Variants in PCDH1 observed in about 807,000 individuals in gnomAD.
PCDH1 encodes protocadherin 1, also known as protocadherin-1.
In PCDH1, 23 loss-of-function variants were observed where a neutral mutation model predicts 74.6. That is an observed-to-expected ratio of 0.31 (90% CI 0.22 to 0.44). PCDH1 has a LOEUF of 0.44. PCDH1 is among the 20% of genes least tolerant of loss of function. PCDH1 has a pLI of 1.00. For synonymous variants in PCDH1, 647 were observed against 686.1 expected, an observed-to-expected ratio of 0.94 and a Z score of 0.89; for missense variants, 1,214 against 1,641.4, an observed-to-expected ratio of 0.74 and a Z score of 4.50.
intron 4 of PCDH1, among the ~76,000 whole-genome samples, chr5:141,856,731 T>C (rs1752354722): frequency 6.6e-6 from 1 of 152,064 alleles, no homozygotes; most frequent in Non-Finnish European, 1.5e-5. Flanking sequence ...GTGCCAAACC[T>C]TCTCCCACTC....
At position 141,868,713 on chromosome 5, in the gene PCDH1, C is replaced by T. The variant is rs1431100163; in HGVS notation, c.759G>A (p.Gln253=). 2 of 1,614,160 alleles carry T rather than the reference C, an allele frequency of 1.2e-6. No homozygotes were observed. The highest frequency in any genetic ancestry group is 1.7e-5 in the Admixed American group (1 of 60,024). The change falls in exon 2 of 5, where the codon CAG becomes CAA. Residue 253 remains glutamine (Q), a synonymous_variant. Transcript: ENST00000287008. This position sits in a 1 kb window ranked among gnomAD's most constrained non-coding sequence, Gnocchi z 4.8. ...WDSYDLTIKV[Q]DGGSPPRASS... ...TGGCGCGTGGGGGGCTGCCGCCATC[C>T]TGCACCTTGATGGTGAGGTCATAGG...
At position 141,864,644 on chromosome 5, in the gene PCDH1, C is replaced by T; in HGVS notation, c.1687G>A (p.Glu563Lys). 2 of 1,613,756 alleles carry T rather than the reference C, an allele frequency of 1.2e-6. No individual in the cohort carries two copies. The highest frequency in any genetic ancestry group is 1.7e-6 in the Non-Finnish European group (2 of 1,180,036). Residue 563 changes from glutamate to lysine, a missense_variant, in exon 3 of 5, where the codon GAG becomes AAG. By Grantham distance (56) the Glu-to-Lys change is moderately conservative. Around this residue, in one of 4 missense-constraint regions of PCDH1, gnomAD observed 836 missense variants for 1,182.2 expected, o/e 0.71. Transcript: ENST00000287008. The surrounding 1 kb of genome is among the most constrained non-coding windows in gnomAD (Gnocchi z 5.9). Reference protein sequence around the residue: ...GLFTISPETGEIQVKTSLDRE... With the variant: ...GLFTISPETGKIQVKTSLDRE... ...TCCAGAGATGTCTTCACCTGGATCT[C>T]TCCAGTCTCGGGTGAGATGGTGAAG... is the stretch of plus-strand genomic sequence containing the variant.
Position 141,867,970 on chromosome 5 carries a change from C to CT in PCDH1, c.903+598dup, listed in dbSNP as rs536504921. Among the ~76,000 whole-genome samples, 200 of 152,354 alleles carry CT rather than the reference C, an allele frequency of 1.3e-3. 2 individuals are homozygous for CT. Among genetic ancestry groups the CT allele is most frequent in the African/African-American group, 4.5e-3 (189 of 41,582 alleles). On this transcript the variant is annotated intron_variant, in intron 2 of 4. Coordinates refer to ENST00000287008, the MANE Select transcript of PCDH1 (RefSeq NM_032420.5). The stretch of plus-strand genomic sequence containing the variant: ...GAAATTGACCCCCCACTGAACCCCA[C>CT]TGTACCAAGCACCCCACATCTATGG...
chr5:141,870,255 C>T (rs972601118), intron 1 of PCDH1, among the ~76,000 whole-genome samples: 2 of 152,174 alleles, frequency 1.3e-5, no homozygotes, highest in Non-Finnish European at 1.5e-5. Context: ...GGCCACAGAG[C>T]GTGCACACAT....
At chr5:141,855,848 G>A (rs995304458) in intron 4 of PCDH1, among the ~76,000 whole-genome samples, 17 of 152,294 alleles carry the variant, frequency 1.1e-4, no homozygotes, top group African/African-American at 4.1e-4. Context: ...AGTAGCCGGT[G>A]TAGTTGCTGG....
intron 3 of PCDH1, among the ~76,000 whole-genome samples, chr5:141,860,267 C>T (rs1752512809): frequency 6.6e-6 from 1 of 152,154 alleles, no homozygotes; most frequent in Admixed American, 6.5e-5. Flanking sequence ...CATCCAAGCA[C>T]TTTGGGAGGC....
Position 141,869,175 on chromosome 5 carries a change from A to G in PCDH1, c.297T>C (p.Leu99=). ...TGTCACCTGTCTTGCCATCCACGCG[A>G]AGGTACGGGGCACCCACCTCTAGCT... ...LYKLEVGAPY[L]RVDGKTGDIF... Residue 99 remains leucine (L), a synonymous_variant, in exon 2 of 5, where the codon CTT becomes CTC. Coordinates refer to ENST00000287008, the MANE Select transcript of PCDH1 (RefSeq NM_032420.5). This position sits in a 1 kb window ranked among gnomAD's most constrained non-coding sequence, Gnocchi z 4.9. The G allele has an allele frequency of 6.2e-7, 1 of 1,613,986 alleles. No individual in the cohort carries two copies.
In PCDH1 at chr5:141,860,166, T is replaced by C. The variant is rs147754919; in HGVS notation, c.3100-2695A>G. Among the ~76,000 whole-genome samples, 803 of 152,122 alleles carry C rather than the reference T, an allele frequency of 5.3e-3. 4 individuals carry two copies. Among genetic ancestry groups the C allele is most frequent in the African/African-American group, 0.017 (720 of 41,474 alleles). ...TACAAGTTTTCCCATACTGTGCTCG[T>C]CAAAGGAAGGGAGGGGCAATATGGT... On this transcript the variant is annotated intron_variant, in intron 3 of 4. Transcript: ENST00000287008.
At chr5:141,873,428 G>A (rs554033610) in intron 1 of PCDH1, among the ~76,000 whole-genome samples, 8 of 148,986 alleles carry the variant, frequency 5.4e-5, no homozygotes, top group South Asian at 2.1e-4. Flanking sequence ...GTGAGCCACC[G>A]CGCCTGGCCC....
chr5:141,863,351 C>T lies in PCDH1; in HGVS notation c.2980G>A (p.Val994Ile). 2.6e-6 allele frequency: 4 copies of T among 1,548,302 alleles called. No homozygotes were observed. The highest frequency in any genetic ancestry group is 3.5e-6 in the Non-Finnish European group (4 of 1,147,020). The change falls in exon 3 of 5, where the codon GTA (valine) becomes ATA (isoleucine). Residue 994 changes from valine (V) to isoleucine (I), a missense_variant. Physicochemically the swap from Val to Ile is conservative, Grantham distance 29. This residue lies in a region of PCDH1 where 836 missense variants were observed against 1,182.2 expected (regional missense o/e 0.71). Transcript: ENST00000287008. The surrounding 1 kb of genome is among the most constrained non-coding windows in gnomAD (Gnocchi z 7.5). ...GTGTTTGCAGGTGGCAGGTCCTGTA[C>T]CACCTGGTGCTTCTTGGAGGCTGAG... ...SPSASKKHQVVQDLPPANTFV... is the reference protein window; with the variant it reads ...SPSASKKHQVIQDLPPANTFV...
chr5:141,866,922 TCTC>T (rs1752866952), intron 2 of PCDH1, among the ~76,000 whole-genome samples: 1 of 152,154 alleles, frequency 6.6e-6, no homozygotes, highest in East Asian at 1.9e-4. Context: ...CTGCCAGTCC[TCTC>T]CTCCTTGGGA....
intron 2 of PCDH1, chr5:141,866,325 C>A (rs1752833804): frequency 1.4e-6 from 1 of 728,430 alleles, no homozygotes; most frequent in Admixed American, 6.3e-5. Flanking sequence ...GGCTGGGCTC[C>A]CAGCATCAAA....
chr5:141,855,766 C>A (rs554858430), intron 4 of PCDH1, among the ~76,000 whole-genome samples: 2 of 152,218 alleles, frequency 1.3e-5, no homozygotes, highest in South Asian at 4.1e-4. Flanking sequence ...AAACCAGCCA[C>A]CACCCCTGGC....
chr5:141,877,614 T>A lies in PCDH1; in HGVS notation c.40+609A>T, dbSNP rs534645043. On this transcript the variant is annotated intron_variant, in intron 1 of 4. Transcript: ENST00000287008. ...TGTAAAGCCACGGGTTGTGTGTCGGTGCTGCTGATCGTGCAGACACTGAAG... is the reference window on the plus strand; with the variant it reads ...TGTAAAGCCACGGGTTGTGTGTCGGAGCTGCTGATCGTGCAGACACTGAAG... 5.5e-4 allele frequency among the ~76,000 whole-genome samples: 84 copies of A among 152,298 alleles called. 1 individual carries two copies. Among genetic ancestry groups the A allele is most frequent in the African/African-American group, 1.9e-3 (81 of 41,556 alleles).
chr5:141,867,056 T>TC (rs922841310), intron 2 of PCDH1, among the ~76,000 whole-genome samples: 7 of 152,178 alleles, frequency 4.6e-5, no homozygotes, highest in Non-Finnish European at 1.0e-4. Flanking sequence ...CAGTTTCTCC[T>TC]CCCCTCACCC....
At chr5:141,857,732 T>C (rs1406829604) in intron 3 of PCDH1, among the ~76,000 whole-genome samples, 4 of 152,192 alleles carry the variant, frequency 2.6e-5, no homozygotes, top group Non-Finnish European at 4.4e-5. Context: ...AGTGTTATTA[T>C]AGCCCCTATG....
intron 4 of PCDH1, among the ~76,000 whole-genome samples, chr5:141,856,757 C>T (rs1358075290): frequency 4.6e-5 from 7 of 152,212 alleles, no homozygotes; most frequent in Non-Finnish European, 1.5e-5. Context: ...CCCAGCATAT[C>T]GTCACTCCAT....
intron 3 of PCDH1, among the ~76,000 whole-genome samples, chr5:141,858,294 G>T (rs1235212113): frequency 6.6e-6 from 1 of 152,196 alleles, no homozygotes; most frequent in Admixed American, 6.5e-5. Flanking sequence ...AGGGGACAAA[G>T]CAGAACAATG....
At chr5:141,856,782 G>A (rs1016964310) in intron 4 of PCDH1, among the ~76,000 whole-genome samples, 2 of 152,050 alleles carry the variant, frequency 1.3e-5, no homozygotes, top group East Asian at 1.9e-4. Flanking sequence ...TGAGCCCCCT[G>A]TAGCATCCAG....
Sources: gnomAD v4.1 joint callset for allele counts (sites outside exome capture counted in the v4.1 genomes callset) on GRCh38, gnomAD v4.1.1 for gene constraint, gnomAD v4.1.1 regional missense constraint, Gnocchi (gnomAD v3.1) non-coding constraint, MANE v1.5 for transcripts, NCBI Gene and HGNC (gene_info 2026-07-23, HGNC 2026-07-21) for gene names.